The following C1GALT1 variants were observed in gnomAD, a reference collection of about 807,000 sequenced individuals.
The protein encoded by C1GALT1 is core 1 synthase, glycoprotein-N-acetylgalactosamine 3-beta-galactosyltransferase 1, also known as glycoprotein-N-acetylgalactosamine 3-beta-galactosyltransferase 1.
Under a neutral mutation model 31.0 loss-of-function variants are expected in C1GALT1, and 11 were observed. The ratio of observed to expected loss-of-function variants is 0.36; its 90% CI spans 0.22 to 0.59. C1GALT1 has a LOEUF of 0.59. Among genes scored for constraint, C1GALT1 ranks in the 20% least tolerant of loss-of-function variants. The pLI is 0.79. For synonymous variants in C1GALT1, 175 were observed against 143.6 expected (o/e 1.22, Z -1.56); for missense variants, 424 against 425.2 (o/e 1.00, Z 0.03).
chr7:7,185,103 A>G (rs535769286), intron 1 of C1GALT1, among the ~76,000 whole-genome samples: 12 of 152,308 alleles, frequency 7.9e-5, no homozygotes, highest in African/African-American at 1.9e-4. Context: ...GAAAAAAAAT[A>G]TATAAAGAAA....
intron 2 of C1GALT1, among the ~76,000 whole-genome samples, chr7:7,159,179 C>A (rs1780305478): frequency 6.6e-6 from 1 of 151,990 alleles, no homozygotes; most frequent in South Asian, 2.1e-4. Flanking sequence ...TGATTGTATG[C>A]TTTTGGAGGT....
chr7:7,239,390 A>G (rs148103344), intron 3 of C1GALT1, among the ~76,000 whole-genome samples: 93 of 152,274 alleles, frequency 6.1e-4, no homozygotes, highest in Middle Eastern at 6.8e-3. Context: ...CCTGAGTGTT[A>G]TTAGAGAGCA....
At chr7:7,208,488 C>G (rs1266210331) in intron 1 of C1GALT1, among the ~76,000 whole-genome samples, 1 of 152,022 alleles carries the variant, frequency 6.6e-6, no homozygotes, top group South Asian at 2.1e-4. Flanking sequence ...TCTATTTTCC[C>G]TTGTATATGC....
At chr7:7,200,305 A>T (rs1781480175) in intron 1 of C1GALT1, among the ~76,000 whole-genome samples, 2 of 152,200 alleles carry the variant, frequency 1.3e-5, no homozygotes, top group Non-Finnish European at 2.9e-5. Context: ...TATGAAGCTT[A>T]GTTTGGCTGG....
intron 2 of C1GALT1, among the ~76,000 whole-genome samples, chr7:7,167,777 T>G (rs994575550): frequency 2.0e-5 from 3 of 152,130 alleles, no homozygotes; most frequent in Non-Finnish European, 4.4e-5. Flanking sequence ...CTTATTCTCC[T>G]GAGACTGTTG....
chr7:7,197,286 T>G (rs1051707878), intron 1 of C1GALT1, among the ~76,000 whole-genome samples: 1 of 152,218 alleles, frequency 6.6e-6, no homozygotes, highest in African/African-American at 2.4e-5. Context: ...CAGCACCATT[T>G]ATTAAATAGG....
At position 7,243,793 on chromosome 7, in the gene C1GALT1, C is replaced by T; in HGVS notation, c.*66C>T. 8.3e-7 allele frequency: 1 copy of T among 1,198,326 alleles called. No homozygotes were observed. The highest frequency in any genetic ancestry group is 1.2e-6 in the Non-Finnish European group (1 of 860,902). The allele number at this position is 1,198,326 out of a possible 1,614,324, so 74.2% of individuals were successfully genotyped here. A position where few individuals can be genotyped will look rare whatever the true frequency, so the allele number is the denominator to read the frequency against. ...GCACTGAAAAAGGACTTCTGCATTT[C>T]TGACATAGAACACTGGAATCCCAGT... On this transcript the variant is annotated 3_prime_UTR_variant, in exon 4 of 4. Transcript: ENST00000436587.
intron 2 of C1GALT1, among the ~76,000 whole-genome samples, chr7:7,163,816 A>G (rs991066509): frequency 6.6e-6 from 1 of 152,108 alleles, no homozygotes; most frequent in African/African-American, 2.4e-5. Flanking sequence ...GAAATAAAAG[A>G]GGATACAAAC....
At chr7:7,160,725 C>T (rs767252847) in intron 2 of C1GALT1, among the ~76,000 whole-genome samples, 2 of 152,092 alleles carry the variant, frequency 1.3e-5, no homozygotes, top group South Asian at 2.1e-4. Context: ...GGGCGTGTGT[C>T]GAAGTACATG....
intron 2 of C1GALT1, among the ~76,000 whole-genome samples, chr7:7,175,180 A>T (rs901641977): frequency 3.3e-5 from 5 of 152,176 alleles, no homozygotes; most frequent in Admixed American, 2.6e-4. Context: ...TGCCTGTCTC[A>T]AACTATTATT....
intron 1 of C1GALT1, among the ~76,000 whole-genome samples, chr7:7,214,805 A>G (rs962654691): frequency 5.8e-4 from 89 of 152,330 alleles, no homozygotes; most frequent in African/African-American, 1.9e-3. Flanking sequence ...CAAAGATGAT[A>G]ATAGCCACTT....
Position 7,243,786 on chromosome 7 carries a change from T to C in C1GALT1, c.*59T>C. ...TAGCACTGCACTGAAAAAGGACTTC[T>C]GCATTTCTGACATAGAACACTGGAA... On this transcript the variant is annotated 3_prime_UTR_variant, in exon 4 of 4. Coordinates refer to ENST00000436587, the MANE Select transcript of C1GALT1 (RefSeq NM_020156.5). The C allele has an allele frequency of 7.9e-7, 1 of 1,268,406 alleles. No individual in the cohort carries two copies. Among genetic ancestry groups the C allele is most frequent in the African/African-American group, 1.5e-5 (1 of 66,770 alleles). 78.6% of individuals were successfully genotyped at this position (1,268,406 alleles called of 1,614,324 possible).
intron 2 of C1GALT1, among the ~76,000 whole-genome samples, chr7:7,171,962 T>A (rs1198289233): frequency 6.6e-6 from 1 of 152,186 alleles, no homozygotes; most frequent in Non-Finnish European, 1.5e-5. Context: ...TATATGTGTT[T>A]GTTAAATCTT....
At chr7:7,195,193 T>A (rs1781232304) in intron 1 of C1GALT1, among the ~76,000 whole-genome samples, 1 of 151,672 alleles carries the variant, frequency 6.6e-6, no homozygotes, top group African/African-American at 2.4e-5. Flanking sequence ...TGTTCTGATC[T>A]TTGTTGTTTC....
At chr7:7,187,226 A>C (rs1205931692) in intron 1 of C1GALT1, among the ~76,000 whole-genome samples, 2 of 151,968 alleles carry the variant, frequency 1.3e-5, no homozygotes, top group African/African-American at 2.4e-5. Flanking sequence ...TTAGTGTTAA[A>C]AGTAGTCTTA....
At chr7:7,173,901 C>A (rs528340313) in intron 2 of C1GALT1, among the ~76,000 whole-genome samples, 2 of 152,108 alleles carry the variant, frequency 1.3e-5, no homozygotes, top group Non-Finnish European at 2.9e-5. Context: ...AGCAAGACTC[C>A]ATCTCAAATT....
At position 7,248,577 on chromosome 7, in the gene C1GALT1, C is replaced by T. The variant is rs1173156122; in HGVS notation, c.*4850C>T. 2.6e-5 allele frequency: 4 copies of T among 151,882 alleles called. No individual in the cohort carries two copies. The highest frequency in any genetic ancestry group is 2.1e-4 in the South Asian group (1 of 4,820). The allele number at this position is 151,882 out of a possible 1,614,324, so 9.4% of individuals were successfully genotyped here. On this transcript the variant is annotated 3_prime_UTR_variant, in exon 4 of 4. Transcript: ENST00000436587. The stretch of plus-strand genomic sequence containing the variant: ...GTGCCTTTTGAACATTTTTAAACAG[C>T]GGATTTAAATAATGCATAAAATAAA...
At chr7:7,167,463 A>G (rs1414962672) in intron 2 of C1GALT1, among the ~76,000 whole-genome samples, 2 of 152,202 alleles carry the variant, frequency 1.3e-5, no homozygotes, top group Admixed American at 6.5e-5. Context: ...AAATTTATAA[A>G]ATATATAAAC....
Position 7,185,470 on chromosome 7 carries a change from A to G in C1GALT1, c.-18+2650A>G, listed in dbSNP as rs151325407. Among the ~76,000 whole-genome samples the G allele has an allele frequency of 1.5e-4, 23 of 152,284 alleles. 1 individual carries two copies. In the East Asian group the frequency reaches 2.7e-3, roughly 18 times the overall value. ...TCTGGAGGCAAGATGTCTGAAATCAAGATGTAGGTATGGCCATGCTCTCTC... is the reference window on the plus strand; with the variant it reads ...TCTGGAGGCAAGATGTCTGAAATCAGGATGTAGGTATGGCCATGCTCTCTC... On this transcript the variant is annotated intron_variant, in intron 1 of 3. Transcript: ENST00000436587.
Sources: allele counts gnomAD v4.1 joint callset (sites outside exome capture counted in the v4.1 genomes callset), GRCh38; gene constraint gnomAD v4.1.1; transcripts MANE v1.5; gene names NCBI Gene and HGNC (gene_info 2026-07-23, HGNC 2026-07-21).